SCAPER: variants seen among roughly 807,000 people sequenced by gnomAD.
SCAPER encodes S-phase cyclin A associated protein in the ER.
SCAPER carries 98 observed loss-of-function variants against 182.2 expected under a neutral mutation model. That is an observed-to-expected ratio of 0.54 (90% confidence interval 0.46 to 0.64). The LOEUF (loss-of-function observed/expected upper bound fraction) is 0.64. SCAPER is among the 30% of genes least tolerant of loss of function. The probability of loss-of-function intolerance (pLI) is 0.00; values close to 1 mark genes in which losing one functional copy is unlikely to be tolerated. For missense variants in SCAPER, 1,432 were observed against 1,690.0 expected (o/e 0.85, Z 2.68); for synonymous variants, 605 against 564.6 (o/e 1.07, Z -1.01).
intron 10 of SCAPER, among the ~76,000 whole-genome samples, chr15:76,767,882 A>G (rs1248588064): frequency 2.0e-5 from 3 of 152,150 alleles, no homozygotes; most frequent in African/African-American, 7.2e-5. Flanking sequence ...ACAGATTACA[A>G]GTAAAAGGTC....
At chr15:76,653,624 G>A (rs567130134) in intron 21 of SCAPER, among the ~76,000 whole-genome samples, 199 of 152,250 alleles carry the variant, frequency 1.3e-3, no homozygotes, top group Non-Finnish European at 2.0e-3. Flanking sequence ...TTCCCCATTC[G>A]ATAAATGGTG....
At chr15:76,482,219 G>T (rs765590816) in intron 24 of SCAPER, among the ~76,000 whole-genome samples, 1 of 152,064 alleles carries the variant, frequency 6.6e-6, no homozygotes, top group African/African-American at 2.4e-5. Flanking sequence ...TTTATAAGGA[G>T]ACATTCCCTT....
chr15:76,578,926 G>A (rs929603143), intron 22 of SCAPER, among the ~76,000 whole-genome samples: 2 of 152,166 alleles, frequency 1.3e-5, no homozygotes, highest in Non-Finnish European at 2.9e-5. Flanking sequence ...CGAAATAGTT[G>A]TTTTGATGAA....
intron 22 of SCAPER, among the ~76,000 whole-genome samples, chr15:76,614,735 C>T (rs1597699002): frequency 6.6e-6 from 1 of 152,202 alleles, no homozygotes; most frequent in South Asian, 2.1e-4. Context: ...AAACCCAAAG[C>T]TTTATTATTT....
At chr15:76,465,002 C>T (rs1567194290) in intron 25 of SCAPER, among the ~76,000 whole-genome samples, 3 of 152,080 alleles carry the variant, frequency 2.0e-5, no homozygotes, top group Non-Finnish European at 4.4e-5. Flanking sequence ...GTCATCTTTT[C>T]ATATACGTGT....
chr15:76,696,068 T>C (rs2058643101), intron 20 of SCAPER, among the ~76,000 whole-genome samples: 1 of 152,224 alleles, frequency 6.6e-6, no homozygotes, highest in Non-Finnish European at 1.5e-5. Context: ...TGTTTCATAA[T>C]GTGATTATAA....
chr15:76,375,215 C>CA (rs35499483), intron 29 of SCAPER, among the ~76,000 whole-genome samples: 29,830 of 56,694 alleles, frequency 0.53, 7,731 homozygotes, highest in Non-Finnish European at 0.62. Flanking sequence ...AAGAACTTGT[C>CA]AAAAAAAAAA....
chr15:76,387,510 C>T (rs1280207679), intron 27 of SCAPER, among the ~76,000 whole-genome samples: 2 of 152,140 alleles, frequency 1.3e-5, no homozygotes, highest in East Asian at 3.9e-4. Context: ...TATTTGGAAG[C>T]CATCAACACA....
chr15:76,719,576 CTA>C (rs1181230950), intron 17 of SCAPER, among the ~76,000 whole-genome samples: 1 of 152,042 alleles, frequency 6.6e-6, no homozygotes, highest in Admixed American at 6.6e-5. Flanking sequence ...AAATGGGTAA[CTA>C]TGTGAGAAGA....
intron 20 of SCAPER, among the ~76,000 whole-genome samples, chr15:76,669,264 T>C (rs540838056): frequency 6.6e-6 from 1 of 152,218 alleles, no homozygotes; most frequent in East Asian, 1.9e-4. Context: ...ATGAAGAAAG[T>C]ATTCTCTCAC....
chr15:76,370,990 T>G (rs1396025727), intron 29 of SCAPER, among the ~76,000 whole-genome samples: 1 of 152,188 alleles, frequency 6.6e-6, no homozygotes, highest in Non-Finnish European at 1.5e-5. Flanking sequence ...CAAGGTGCAC[T>G]TCAGTGATCG....
At chr15:76,756,952 G>A (rs1268510530) in intron 14 of SCAPER, among the ~76,000 whole-genome samples, 2 of 152,000 alleles carry the variant, frequency 1.3e-5, no homozygotes, top group African/African-American at 2.4e-5. Context: ...TCCACTTACC[G>A]CAATGATCAA....
At chr15:76,621,055 A>C (rs1342267938) in intron 22 of SCAPER, among the ~76,000 whole-genome samples, 1 of 152,192 alleles carries the variant, frequency 6.6e-6, no homozygotes, top group East Asian at 1.9e-4. Flanking sequence ...TAAATATCTG[A>C]GCACATTTTG....
At chr15:76,902,048 T>C (rs931529886) in intron 1 of SCAPER, among the ~76,000 whole-genome samples, 2 of 152,186 alleles carry the variant, frequency 1.3e-5, no homozygotes, top group Admixed American at 6.5e-5. Flanking sequence ...AGCTCCATCA[T>C]TGGACTCCAG....
intron 21 of SCAPER, among the ~76,000 whole-genome samples, chr15:76,643,228 T>C (rs1234039851): frequency 3.3e-5 from 5 of 152,184 alleles, no homozygotes; most frequent in South Asian, 2.1e-4. Flanking sequence ...CTCCAATCCA[T>C]CTCCTTCCAC....
chr15:76,800,076 G>C (rs3825892), intron 7 of SCAPER, among the ~76,000 whole-genome samples, 172 bp downstream of exon 7: 1 of 142,152 alleles, frequency 7.0e-6, no homozygotes, highest in Non-Finnish European at 1.6e-5. Context: ...AATCCTCCCC[G>C]GGATTGCTAA....
chr15:76,888,036 G>A (rs969036216), intron 1 of SCAPER, among the ~76,000 whole-genome samples: 6 of 152,220 alleles, frequency 3.9e-5, no homozygotes, highest in Admixed American at 3.9e-4. Flanking sequence ...CAGGCAAACA[G>A]TGTCTGGAGT....
chr15:76,542,817 G>A (rs1461234317), intron 23 of SCAPER, among the ~76,000 whole-genome samples: 4 of 151,906 alleles, frequency 2.6e-5, no homozygotes, highest in Admixed American at 6.6e-5. Context: ...CCCTTTGTAC[G>A]GTGCCAAGTA....
chr15:76,551,911 T>C (rs1276483809), intron 23 of SCAPER, among the ~76,000 whole-genome samples: 2 of 152,142 alleles, frequency 1.3e-5, no homozygotes, highest in Admixed American at 1.3e-4. Flanking sequence ...TCAGTTTCCA[T>C]TGCTCCTCTT....
Sources: allele counts gnomAD v4.1 joint callset (sites outside exome capture counted in the v4.1 genomes callset), GRCh38; gene constraint gnomAD v4.1.1; transcripts MANE v1.5; gene names NCBI Gene and HGNC (gene_info 2026-07-23, HGNC 2026-07-21).